Variants in CNTNAP2 observed in about 807,000 individuals in gnomAD.
The protein encoded by CNTNAP2 is contactin-associated protein-like 2.
A neutral mutation model predicts 155.2 loss-of-function variants in CNTNAP2; 98 were observed. The observed-to-expected ratio is 0.63, with a 90% CI of 0.54 to 0.75. CNTNAP2 has a LOEUF of 0.75. Ranked by LOEUF, CNTNAP2 falls within the 30% of genes least tolerant of loss-of-function variation. CNTNAP2 has a pLI of 0.00. For synonymous variants in CNTNAP2, 651 were observed against 631.2 expected, an observed-to-expected ratio of 1.03 and a Z score of -0.47; for missense variants, 1,727 against 1,688.1, an observed-to-expected ratio of 1.02 and a Z score of -0.40.
At chr7:146,189,306 T>C (rs1798669256) in intron 1 of CNTNAP2, among the ~76,000 whole-genome samples, 1 of 152,178 alleles carries the variant, frequency 6.6e-6, no homozygotes, top group East Asian at 1.9e-4. Context: ...TAATGCTCAA[T>C]TAATATTATC....
At chr7:147,227,626 GT>G (rs1803578704) in intron 8 of CNTNAP2, among the ~76,000 whole-genome samples, 2 of 152,096 alleles carry the variant, frequency 1.3e-5, no homozygotes, top group African/African-American at 4.8e-5. Context: ...GAGGTTTTTG[GT>G]TTTTGCCCTG....
chr7:147,106,685 G>T (rs1800772991), intron 4 of CNTNAP2, among the ~76,000 whole-genome samples: 1 of 152,154 alleles, frequency 6.6e-6, no homozygotes, highest in Non-Finnish European at 1.5e-5. Context: ...AGCCATCAAT[G>T]ATTTGAAAGG....
intron 15 of CNTNAP2, among the ~76,000 whole-genome samples, chr7:148,071,238 A>C (rs947523188): frequency 2.0e-5 from 3 of 152,166 alleles, no homozygotes; most frequent in African/African-American, 4.8e-5. Flanking sequence ...GCACTTTCAG[A>C]GGCCGAGACG....
At chr7:146,745,550 G>C in intron 1 of CNTNAP2, among the ~76,000 whole-genome samples, 1 of 151,912 alleles carries the variant, frequency 6.6e-6, no homozygotes, top group Non-Finnish European at 1.5e-5. Flanking sequence ...GGGTGTATCA[G>C]GAGGCCAGGA....
intron 1 of CNTNAP2, among the ~76,000 whole-genome samples, chr7:146,364,571 T>C (rs1441646359): frequency 6.6e-6 from 1 of 152,214 alleles, no homozygotes; most frequent in East Asian, 1.9e-4. Context: ...ATTAAAATTA[T>C]AAGAATCAAA....
intron 1 of CNTNAP2, among the ~76,000 whole-genome samples, chr7:146,134,073 A>G (rs1170589116): frequency 9.5e-5 from 14 of 147,970 alleles, no homozygotes; most frequent in African/African-American, 3.2e-4. Context: ...ATTTGTTTGT[A>G]TCCTCTTTTA....
intron 1 of CNTNAP2, among the ~76,000 whole-genome samples, chr7:146,720,704 A>G (rs1302467869): frequency 6.6e-6 from 1 of 151,736 alleles, no homozygotes. Flanking sequence ...ACTCTTTATT[A>G]TAGATTGTAT....
At chr7:146,360,813 A>G (rs1366994241) in intron 1 of CNTNAP2, among the ~76,000 whole-genome samples, 1 of 152,172 alleles carries the variant, frequency 6.6e-6, no homozygotes, top group Non-Finnish European at 1.5e-5. Flanking sequence ...GTTTTTCACT[A>G]TCAAGAAAAT....
intron 3 of CNTNAP2, among the ~76,000 whole-genome samples, chr7:146,919,943 G>T (rs1306236788): frequency 6.6e-6 from 1 of 152,082 alleles, no homozygotes. Context: ...GCTGCAAGTT[G>T]GTCCTTCCTC....
intron 11 of CNTNAP2, among the ~76,000 whole-genome samples, chr7:147,510,417 C>T (rs796322302): frequency 2.6e-5 from 4 of 152,168 alleles, no homozygotes; most frequent in African/African-American, 9.6e-5. Flanking sequence ...GAGATCCCTG[C>T]AGAATACACT....
chr7:147,655,100 A>G (rs1300587149), intron 13 of CNTNAP2, among the ~76,000 whole-genome samples: 1 of 150,706 alleles, frequency 6.6e-6, no homozygotes, highest in Non-Finnish European at 1.5e-5. Context: ...GACGTGAGCT[A>G]CCATGCCTGG....
chr7:147,992,363 C>T (rs559013703), intron 15 of CNTNAP2, among the ~76,000 whole-genome samples: 14 of 152,200 alleles, frequency 9.2e-5, no homozygotes, highest in South Asian at 2.1e-4. Context: ...CTGCCCACCT[C>T]GGCCTCTCAA....
At chr7:147,785,353 G>A (rs758437834) in intron 13 of CNTNAP2, among the ~76,000 whole-genome samples, 5 of 152,156 alleles carry the variant, frequency 3.3e-5, no homozygotes, top group South Asian at 2.1e-4. Context: ...GGAAGGGGGA[G>A]CTGAGTGTTG....
chr7:147,353,233 T>TATACA (rs1796001231), intron 9 of CNTNAP2, among the ~76,000 whole-genome samples: 1 of 151,348 alleles, frequency 6.6e-6, no homozygotes, highest in Non-Finnish European at 1.5e-5. Flanking sequence ...CGTGCCATGG[T>TATACA]CGTTTGCTGC....
intron 15 of CNTNAP2, among the ~76,000 whole-genome samples, chr7:147,993,877 T>A (rs1043055155): frequency 6.6e-6 from 1 of 152,022 alleles, no homozygotes; most frequent in African/African-American, 2.4e-5. Context: ...TTCCTACCTG[T>A]TTCCTTCCCC....
In CNTNAP2 at chr7:147,930,698, T is replaced by G. The variant is rs571903239; in HGVS notation, c.2255+26977T>G. On this transcript the variant is annotated intron_variant, in intron 14 of 23. Transcript: ENST00000361727. The stretch of plus-strand genomic sequence containing the variant: ...TAAGAAACTATAGACCAAGTGGACC[T>G]AACGGACATACACAGAACATCCCAC... Among the ~76,000 whole-genome samples, 5 of 152,282 alleles carry G rather than the reference T, an allele frequency of 3.3e-5. No homozygotes were observed. In the East Asian group the frequency reaches 9.7e-4, roughly 29 times the overall value.
intron 1 of CNTNAP2, among the ~76,000 whole-genome samples, chr7:146,336,327 A>G (rs570079944): frequency 2.0e-5 from 3 of 152,290 alleles, no homozygotes; most frequent in Admixed American, 6.5e-5. Context: ...TTTACTAGAA[A>G]TGCTTCCACA....
chr7:147,424,686 CA>C (rs1449635848), intron 10 of CNTNAP2, among the ~76,000 whole-genome samples: 1 of 152,164 alleles, frequency 6.6e-6, no homozygotes, highest in Non-Finnish European at 1.5e-5. Context: ...ACCTTACACA[CA>C]ACTGCCTGCT....
At chr7:148,380,205 T>C (rs946523739) in intron 21 of CNTNAP2, among the ~76,000 whole-genome samples, 3 of 152,238 alleles carry the variant, frequency 2.0e-5, no homozygotes, top group African/African-American at 4.8e-5. Flanking sequence ...AGGCAGAACG[T>C]TGTTTCTTAC....
Sources: allele counts gnomAD v4.1 joint callset (sites outside exome capture counted in the v4.1 genomes callset), GRCh38; gene constraint gnomAD v4.1.1; transcripts MANE v1.5; gene names NCBI Gene and HGNC (gene_info 2026-07-23, HGNC 2026-07-21).